SFMBT1: variants seen among roughly 807,000 people sequenced by gnomAD.
SFMBT1 encodes the protein Scm like with four mbt domains 1.
A neutral mutation model predicts 108.7 loss-of-function variants in SFMBT1; 32 were observed. The ratio of observed to expected loss-of-function variants is 0.29; its 90% CI spans 0.22 to 0.40. SFMBT1 has a LOEUF of 0.40. SFMBT1 is among the 10% of genes least tolerant of loss of function. The pLI is 1.00. For synonymous variants in SFMBT1, 348 were observed against 369.5 expected, an observed-to-expected ratio of 0.94 and a Z score of 0.67; for missense variants, 816 against 1,059.6, an observed-to-expected ratio of 0.77 and a Z score of 3.19.
At chr3:52,978,053 T>A (rs958337691) in intron 1 of SFMBT1, among the ~76,000 whole-genome samples, 6 of 152,138 alleles carry the variant, frequency 3.9e-5, no homozygotes, top group Admixed American at 2.0e-4. Flanking sequence ...GACCAAAATC[T>A]CTGCCCTCAT....
intron 1 of SFMBT1, among the ~76,000 whole-genome samples, chr3:52,999,657 G>A (rs1698469567): frequency 6.7e-6 from 1 of 149,944 alleles, no homozygotes; most frequent in South Asian, 2.1e-4. Flanking sequence ...AAGGTCATGA[G>A]GGGAGTGGGC....
At chr3:52,996,074 A>AC (rs1379480336) in intron 1 of SFMBT1, among the ~76,000 whole-genome samples, 5 of 149,466 alleles carry the variant, frequency 3.3e-5, no homozygotes, top group Non-Finnish European at 7.5e-5. Flanking sequence ...CCATCTCAAA[A>AC]AAAAACAAAA....
intron 10 of SFMBT1, 27 bp downstream of exon 10, chr3:52,926,004 T>C: frequency 1.3e-6 from 2 of 1,594,274 alleles, no homozygotes; most frequent in Non-Finnish European, 1.7e-6. Context: ...CCTGCCATAG[T>C]GGCCATGAGG....
chr3:52,911,914 G>A (rs9871175), intron 16 of SFMBT1, among the ~76,000 whole-genome samples: 86,530 of 151,950 alleles, frequency 0.57, 25,114 homozygotes, highest in Middle Eastern at 0.64. Context: ...TGGCCAGGCT[G>A]GTCTTGAACT....
intron 1 of SFMBT1, among the ~76,000 whole-genome samples, chr3:53,015,971 A>G (rs370345893): frequency 5.6e-4 from 85 of 152,150 alleles, no homozygotes; most frequent in African/African-American, 2.0e-3. Context: ...TTTGCTTCTC[A>G]TTTTTCTTCT....
Position 52,916,447 on chromosome 3 carries a change from G to T in SFMBT1, c.1416-233C>A, listed in dbSNP as rs980548839. 2.7e-5 allele frequency among the ~76,000 whole-genome samples: 4 copies of T among 150,160 alleles called. No individual in the cohort carries two copies. The Admixed American group carries it at 2.7e-4, about 10-fold the overall frequency. On this transcript the variant is annotated intron_variant, in intron 13 of 20. Coordinates refer to ENST00000394752, the MANE Select transcript of SFMBT1 (RefSeq NM_016329.4). ...CACTTTGGGAGGCTGACGTGGGCGG[G>T]TCACAAGGTCAGGAGATTGAGACCA...
chr3:52,921,618 T>C (rs1702521623), intron 11 of SFMBT1, 87 bp downstream of exon 11: 1 of 1,413,832 alleles, frequency 7.1e-7, no homozygotes, highest in Non-Finnish European at 9.6e-7. Context: ...AACTAATCCA[T>C]TAAGTTTAAC....
intron 12 of SFMBT1, among the ~76,000 whole-genome samples, chr3:52,919,387 C>T (rs1702451888): frequency 6.6e-6 from 1 of 152,196 alleles, no homozygotes. Flanking sequence ...CATGGATGAA[C>T]TCTGAGAGCA....
chr3:52,972,750 C>T (rs1704387461), intron 1 of SFMBT1, among the ~76,000 whole-genome samples: 1 of 135,050 alleles, frequency 7.4e-6, no homozygotes, highest in Admixed American at 7.2e-5. Context: ...ACTAAACACA[C>T]ACACACACAC....
intron 1 of SFMBT1, among the ~76,000 whole-genome samples, chr3:53,032,069 A>G (rs1180599611): frequency 6.6e-6 from 1 of 152,158 alleles, no homozygotes; most frequent in African/African-American, 2.4e-5. Context: ...ACTAAATGTA[A>G]CAAACTTGAT....
chr3:52,976,111 A>G (rs1420506277), intron 1 of SFMBT1, among the ~76,000 whole-genome samples: 1 of 152,162 alleles, frequency 6.6e-6, no homozygotes, highest in Non-Finnish European at 1.5e-5. Context: ...TCCTTCTATC[A>G]AAATATTAAG....
intron 14 of SFMBT1, among the ~76,000 whole-genome samples, chr3:52,914,915 G>GA (rs1702307475): frequency 6.6e-6 from 1 of 152,136 alleles, no homozygotes; most frequent in Non-Finnish European, 1.5e-5. Flanking sequence ...GTCTATTCTG[G>GA]AATCACCCTG....
intron 13 of SFMBT1, among the ~76,000 whole-genome samples, chr3:52,917,578 C>T (rs1308717160): frequency 6.6e-6 from 1 of 152,094 alleles, no homozygotes; most frequent in African/African-American, 2.4e-5. Context: ...TCCCCAACCC[C>T]AGGGCCACGG....
intron 3 of SFMBT1, among the ~76,000 whole-genome samples, chr3:52,952,065 A>T (rs1015615523): frequency 6.6e-6 from 1 of 152,252 alleles, no homozygotes; most frequent in African/African-American, 2.4e-5. Flanking sequence ...GAAAACTAAA[A>T]ATAGTGGGAC....
chr3:52,954,026 G>A (rs1440650290), intron 3 of SFMBT1, among the ~76,000 whole-genome samples: 1 of 152,134 alleles, frequency 6.6e-6, no homozygotes, highest in Non-Finnish European at 1.5e-5. Context: ...TCGGGAGGCT[G>A]AGGCAGGAGA....
chr3:53,009,236 C>T (rs1227365849), intron 1 of SFMBT1, among the ~76,000 whole-genome samples: 2 of 151,780 alleles, frequency 1.3e-5, no homozygotes, highest in Admixed American at 6.6e-5. Flanking sequence ...CACTTAAGGT[C>T]GGGAGTTCAA....
intron 1 of SFMBT1, among the ~76,000 whole-genome samples, chr3:52,983,245 C>A (rs996530461): frequency 1.3e-5 from 2 of 152,152 alleles, no homozygotes; most frequent in African/African-American, 4.8e-5. Context: ...CACTTCCACT[C>A]AGTGAAGAGT....
intron 1 of SFMBT1, among the ~76,000 whole-genome samples, chr3:52,978,663 G>C (rs73839775): frequency 6.6e-6 from 1 of 152,012 alleles, no homozygotes; most frequent in Non-Finnish European, 1.5e-5. Context: ...ACTTGTTCAT[G>C]AATGTTCGTA....
chr3:52,970,629 G>A (rs1204899319), intron 1 of SFMBT1, among the ~76,000 whole-genome samples: 1 of 152,152 alleles, frequency 6.6e-6, no homozygotes, highest in Non-Finnish European at 1.5e-5. Flanking sequence ...CTATAGCATT[G>A]GGATGGGTAC....
Sources: allele counts gnomAD v4.1 joint callset (sites outside exome capture counted in the v4.1 genomes callset), GRCh38; gene constraint gnomAD v4.1.1; transcripts MANE v1.5; gene names NCBI Gene and HGNC (gene_info 2026-07-23, HGNC 2026-07-21).